LYPD1: variants seen among roughly 807,000 people sequenced by gnomAD.
The protein encoded by LYPD1 is LY6/PLAUR domain containing 1, also known as ly6/PLAUR domain-containing protein 1.
In LYPD1, 14 loss-of-function variants were observed where a neutral mutation model predicts 14.2. That is an observed-to-expected ratio of 0.99 (90% confidence interval 0.65 to 1.54). LYPD1 has a LOEUF of 1.54. LYPD1 is among the 40% of genes most tolerant of loss of function. LYPD1 has a pLI of 0.00. For missense variants in LYPD1, 165 were observed against 175.7 expected (o/e 0.94, Z 0.34); for synonymous variants, 85 against 70.6 (o/e 1.20, Z -1.02).
chr2:132,662,616 C>A (rs899275891), intron 2 of LYPD1, among the ~76,000 whole-genome samples: 1 of 152,080 alleles, frequency 6.6e-6, no homozygotes, highest in East Asian at 1.9e-4. Flanking sequence ...GGAGGGCAGG[C>A]AAGGGTACAC....
At chr2:132,661,541 C>T (rs907857545) in intron 2 of LYPD1, among the ~76,000 whole-genome samples, 1 of 152,098 alleles carries the variant, frequency 6.6e-6, no homozygotes, top group African/African-American at 2.4e-5. Flanking sequence ...AGGAAGGACA[C>T]ATCTACCTAT....
rs7608736 is a variant in LYPD1 at position 132,669,578 on chromosome 2, G to A, written c.52+303C>T. On this transcript the variant is annotated intron_variant, in intron 1 of 2. Coordinates refer to ENST00000397463, the MANE Select transcript of LYPD1 (RefSeq NM_144586.7). The surrounding 1 kb of genome is among the most constrained non-coding windows in gnomAD (Gnocchi z 4.3). ...CGGGAGATGTCGCCCCCTCTCCCTCGCCCAGAACCCAGCACCGCTCGGACC... is the reference window on the plus strand; with the variant it reads ...CGGGAGATGTCGCCCCCTCTCCCTCACCCAGAACCCAGCACCGCTCGGACC... Among the ~76,000 whole-genome samples the A allele has an allele frequency of 0.029, 4,358 of 152,028 alleles. 198 individuals carry two copies. Among genetic ancestry groups the A allele is most frequent in the African/African-American group, 0.096 (3,967 of 41,466 alleles).
chr2:132,650,947 T>C (rs73955770), intron 2 of LYPD1, among the ~76,000 whole-genome samples: 2,992 of 152,258 alleles, frequency 0.02, 83 homozygotes, highest in African/African-American at 0.061. Flanking sequence ...GCCCAGGAGA[T>C]CTGGATTTAT....
chr2:132,654,129 T>C (rs1431242202), intron 2 of LYPD1, among the ~76,000 whole-genome samples: 1 of 152,230 alleles, frequency 6.6e-6, no homozygotes, highest in Non-Finnish European at 1.5e-5. Context: ...GTACTGCGGT[T>C]ATGTAGATTG....
chr2:132,662,650 T>G (rs114391093), intron 2 of LYPD1, among the ~76,000 whole-genome samples: 1 of 152,148 alleles, frequency 6.6e-6, no homozygotes, highest in Non-Finnish European at 1.5e-5. Flanking sequence ...GGCTGTAGAT[T>G]CAGAATTTTT....
chr2:132,668,556 C>T lies in LYPD1; in HGVS notation c.53-19G>A, dbSNP rs752790437. The T allele has an allele frequency of 2.5e-6, 4 of 1,609,614 alleles. No homozygotes were observed. In the South Asian group the frequency reaches 4.4e-5, roughly 18 times the overall value. On this transcript the variant is annotated intron_variant, in intron 1 of 2. Coordinates refer to ENST00000397463, the MANE Select transcript of LYPD1 (RefSeq NM_144586.7). ...GCAAAGCCTGCGAGACAGACGCAGT[C>T]GGGTTCAGATCCGGCCCCCACAGAG...
intron 2 of LYPD1, among the ~76,000 whole-genome samples, chr2:132,659,703 A>G (rs977712009): frequency 2.6e-5 from 4 of 152,156 alleles, no homozygotes; most frequent in African/African-American, 9.7e-5. Context: ...GCTCCGGCCT[A>G]TTGGCTGCCT....
intron 2 of LYPD1, among the ~76,000 whole-genome samples, chr2:132,654,894 G>A (rs1191972132): frequency 2.0e-5 from 3 of 151,972 alleles, no homozygotes; most frequent in East Asian, 1.9e-4. Context: ...GACTACAGGC[G>A]CCTGCCACCA....
chr2:132,650,001 T>C lies in LYPD1; in HGVS notation c.191-3721A>G, dbSNP rs1226697255. Among the ~76,000 whole-genome samples, 5 of 152,234 alleles carry C rather than the reference T, an allele frequency of 3.3e-5. No homozygotes were observed. The East Asian group carries it at 9.7e-4, about 29-fold the overall frequency. On this transcript the variant is annotated intron_variant, in intron 2 of 2. Transcript: ENST00000397463. Reference sequence around the variant, plus strand: ...CACAAACTCTGCCTAATAAAATCCCTATATGTAAGACAAAAAGACAAGTGA... The same window carrying C: ...CACAAACTCTGCCTAATAAAATCCCCATATGTAAGACAAAAAGACAAGTGA...
At chr2:132,667,714 G>C (rs1011338121) in intron 2 of LYPD1, among the ~76,000 whole-genome samples, 1 of 152,136 alleles carries the variant, frequency 6.6e-6, no homozygotes, top group East Asian at 1.9e-4. Flanking sequence ...GCTGGGGTAG[G>C]GGGTGAGGAG....
In LYPD1 at chr2:132,646,203, G is replaced by C. The variant is rs747833648; in HGVS notation, c.268C>G (p.Pro90Ala). The change falls in exon 3 of 3, where the codon CCA (proline) becomes GCA (alanine). Residue 90 changes from proline (P) to alanine (A), a missense_variant. Physicochemically the swap from Pro to Ala is conservative, Grantham distance 27. Transcript: ENST00000397463. ...ASAGYQSFCS[P>A]GKLNSVCISC... ...ATGCAAACTGAGTTCAGTTTCCCTG[G>C]GGAGCAGAAGGACTGGTACCCGGCA... 1 of 1,607,312 alleles carries C rather than the reference G, an allele frequency of 6.2e-7. No individual in the cohort carries two copies. Among genetic ancestry groups the C allele is most frequent in the Non-Finnish European group, 8.5e-7 (1 of 1,176,232 alleles).
intron 2 of LYPD1, among the ~76,000 whole-genome samples, chr2:132,653,733 C>T (rs966259775): frequency 3.3e-5 from 5 of 152,192 alleles, no homozygotes; most frequent in African/African-American, 1.2e-4. Flanking sequence ...GAATCAAAAG[C>T]GATCAAAGTT....
At chr2:132,652,380 CT>C (rs2104903796) in intron 2 of LYPD1, among the ~76,000 whole-genome samples, 1 of 152,280 alleles carries the variant, frequency 6.6e-6, no homozygotes, top group South Asian at 2.1e-4. Context: ...GCTTTTCTGA[CT>C]GGTTTTGAGT....
At chr2:132,652,165 T>C (rs940555557) in intron 2 of LYPD1, among the ~76,000 whole-genome samples, 5 of 152,234 alleles carry the variant, frequency 3.3e-5, no homozygotes, top group African/African-American at 9.6e-5. Flanking sequence ...CCTTCATCCC[T>C]GCATGATTTT....
At chr2:132,657,128 G>A (rs1022066978) in intron 2 of LYPD1, among the ~76,000 whole-genome samples, 1 of 152,170 alleles carries the variant, frequency 6.6e-6, no homozygotes, top group Non-Finnish European at 1.5e-5. Context: ...TAATTTTCAA[G>A]GCTGTTAACC....
Position 132,645,577 on chromosome 2 carries a change from G to GAGAA in LYPD1, c.*464_*467dup. 2 of 1,613,954 alleles carry GAGAA rather than the reference G, an allele frequency of 1.2e-6. No individual in the cohort carries two copies. Among genetic ancestry groups the GAGAA allele is most frequent in the Non-Finnish European group, 1.7e-6 (2 of 1,179,954 alleles). Reference sequence around the variant, plus strand: ...CGCGAAACCAGCCAATTCTGCTGCAGAGAATGGTTTTCAGGAGCATGAAGT... The same window carrying GAGAA: ...CGCGAAACCAGCCAATTCTGCTGCAGAGAAAGAATGGTTTTCAGGAGCATGAAGT... On this transcript the variant is annotated 3_prime_UTR_variant, in exon 3 of 3. Transcript: ENST00000397463.
intron 2 of LYPD1, chr2:132,663,044 G>C (rs994933175): frequency 7.2e-5 from 11 of 152,154 alleles, no homozygotes; most frequent in Admixed American, 2.6e-4. Context: ...TGCTTCTTGA[G>C]AACTAAGTGG....
At chr2:132,666,134 T>G (rs191608379) in intron 2 of LYPD1, among the ~76,000 whole-genome samples, 2 of 152,342 alleles carry the variant, frequency 1.3e-5, no homozygotes, top group Admixed American at 1.3e-4. Context: ...AAGAGTCAGA[T>G]GCCTTGGGCG....
At chr2:132,664,632 A>C (rs1186779639) in intron 2 of LYPD1, among the ~76,000 whole-genome samples, 1 of 152,252 alleles carries the variant, frequency 6.6e-6, no homozygotes, top group Non-Finnish European at 1.5e-5. Flanking sequence ...CTTTTAAATA[A>C]GGTTTAGGAG....
Sources: allele counts gnomAD v4.1 joint callset (sites outside exome capture counted in the v4.1 genomes callset), GRCh38; gene constraint gnomAD v4.1.1; non-coding constraint Gnocchi (gnomAD v3.1); transcripts MANE v1.5; gene names NCBI Gene and HGNC (gene_info 2026-07-23, HGNC 2026-07-21).